GUCY1A2: variants seen among roughly 807,000 people sequenced by gnomAD.
GUCY1A2 encodes guanylate cyclase soluble subunit alpha-2.
Under a neutral mutation model 63.5 loss-of-function variants are expected in GUCY1A2, and 27 were observed. The observed-to-expected ratio is 0.43, with a 90% CI of 0.31 to 0.59. GUCY1A2 has a LOEUF of 0.59. GUCY1A2 is among the 20% of genes least tolerant of loss of function. The pLI, the probability that GUCY1A2 is intolerant of heterozygous loss-of-function variation, is 0.11. For synonymous variants in GUCY1A2, 364 were observed against 343.5 expected (o/e 1.06, Z -0.66); for missense variants, 768 against 913.3 (o/e 0.84, Z 2.05).
At chr11:106,902,805 T>C (rs150707235) in intron 4 of GUCY1A2, among the ~76,000 whole-genome samples, 107 of 152,304 alleles carry the variant, frequency 7.0e-4, no homozygotes, top group African/African-American at 2.5e-3. Flanking sequence ...ATTTAGATTA[T>C]ATTAGATATT....
At chr11:106,864,483 CCTTGT>C (rs1202228795) in intron 4 of GUCY1A2, among the ~76,000 whole-genome samples, 1 of 152,018 alleles carries the variant, frequency 6.6e-6, no homozygotes, top group East Asian at 1.9e-4. Flanking sequence ...GAGAGGGCAT[CCTTGT>C]CTTGTGCCAG....
At chr11:106,754,827 G>GTGTC (rs1157586716) in intron 6 of GUCY1A2, among the ~76,000 whole-genome samples, 1 of 152,028 alleles carries the variant, frequency 6.6e-6, no homozygotes, top group African/African-American at 2.4e-5. Context: ...TTTTTTTGTT[G>GTGTC]TGTCTCTGCC....
chr11:106,930,220 C>A (rs1397916512), intron 4 of GUCY1A2, among the ~76,000 whole-genome samples: 2 of 152,164 alleles, frequency 1.3e-5, no homozygotes, highest in Non-Finnish European at 2.9e-5. Context: ...AAGAGAGGCC[C>A]ACTGACTATG....
At chr11:107,007,470 G>T (rs944180029) in intron 1 of GUCY1A2, among the ~76,000 whole-genome samples, 1 of 152,126 alleles carries the variant, frequency 6.6e-6, no homozygotes, top group Non-Finnish European at 1.5e-5. Context: ...CTCCACTCCA[G>T]CGGATTGTCC....
chr11:106,902,191 A>G (rs1860143523), intron 4 of GUCY1A2, among the ~76,000 whole-genome samples: 2 of 152,178 alleles, frequency 1.3e-5, no homozygotes, highest in African/African-American at 4.8e-5. Context: ...TACTTTGTCA[A>G]AGAGCACTAT....
chr11:106,822,261 C>A (rs1044745035), intron 4 of GUCY1A2, among the ~76,000 whole-genome samples: 1 of 152,124 alleles, frequency 6.6e-6, no homozygotes, highest in African/African-American at 2.4e-5. Context: ...ACCATACGAA[C>A]AATTTTTTTC....
chr11:106,937,062 G>A (rs1860688679), intron 4 of GUCY1A2, among the ~76,000 whole-genome samples: 1 of 152,068 alleles, frequency 6.6e-6, no homozygotes. Context: ...ATCTGGGTAA[G>A]ACTGTATGTG....
chr11:106,943,322 T>C (rs1860776002), intron 3 of GUCY1A2, among the ~76,000 whole-genome samples: 1 of 152,184 alleles, frequency 6.6e-6, no homozygotes, highest in African/African-American at 2.4e-5. Flanking sequence ...TCTCCTCACA[T>C]CACAAGATTC....
chr11:106,830,860 A>G (rs555732120), intron 4 of GUCY1A2, among the ~76,000 whole-genome samples: 1 of 152,332 alleles, frequency 6.6e-6, no homozygotes, highest in South Asian at 2.1e-4. Context: ...CCACATATAC[A>G]TGTACACAAC....
chr11:106,927,457 GA>G (rs1176503141), intron 4 of GUCY1A2, among the ~76,000 whole-genome samples: 2 of 151,992 alleles, frequency 1.3e-5, no homozygotes, highest in Non-Finnish European at 2.9e-5. Flanking sequence ...AAACTGGGGG[GA>G]TAAGAACACA....
At chr11:106,711,759 T>A (rs1022854840) in intron 6 of GUCY1A2, among the ~76,000 whole-genome samples, 16 of 152,162 alleles carry the variant, frequency 1.1e-4, no homozygotes, top group Non-Finnish European at 2.2e-4. Context: ...CTTTTTTATG[T>A]TTAAAAGTCT....
At chr11:106,773,976 A>C (rs1337932830) in intron 6 of GUCY1A2, among the ~76,000 whole-genome samples, 2 of 152,114 alleles carry the variant, frequency 1.3e-5, no homozygotes, top group Admixed American at 1.3e-4. Context: ...TAGTTTTATA[A>C]TATGAATTTT....
intron 1 of GUCY1A2, among the ~76,000 whole-genome samples, chr11:106,997,816 C>T (rs757112005): frequency 6.6e-6 from 1 of 152,048 alleles, no homozygotes; most frequent in Non-Finnish European, 1.5e-5. Context: ...TCCTGCCTAC[C>T]TCATATACTT....
intron 4 of GUCY1A2, among the ~76,000 whole-genome samples, chr11:106,847,007 A>G (rs1174360199): frequency 6.6e-6 from 1 of 151,384 alleles, no homozygotes; most frequent in Non-Finnish European, 1.5e-5. Context: ...TAAGAAAATA[A>G]AAGGTTCTGA....
intron 4 of GUCY1A2, among the ~76,000 whole-genome samples, chr11:106,917,941 A>T (rs1225396717): frequency 2.3e-5 from 3 of 130,308 alleles, no homozygotes; most frequent in Non-Finnish European, 3.4e-5. Flanking sequence ...CTTAAAGTAT[A>T]AAAAAAAAAA....
intron 4 of GUCY1A2, among the ~76,000 whole-genome samples, chr11:106,846,754 T>C (rs907293536): frequency 3.3e-5 from 5 of 151,598 alleles, no homozygotes; most frequent in Non-Finnish European, 5.9e-5. Context: ...TTCCTCTTAT[T>C]TTCCTAAACT....
chr11:106,843,278 CA>C (rs1240413331), intron 4 of GUCY1A2, among the ~76,000 whole-genome samples: 2 of 151,778 alleles, frequency 1.3e-5, no homozygotes, highest in African/African-American at 4.8e-5. Context: ...TTTGGGGACT[CA>C]GGGGAAAGGA....
At chr11:106,910,925 C>T (rs981121686) in intron 4 of GUCY1A2, among the ~76,000 whole-genome samples, 2 of 151,988 alleles carry the variant, frequency 1.3e-5, no homozygotes, top group Non-Finnish European at 2.9e-5. Context: ...AAAACCAGTC[C>T]GCTGAATGTA....
intron 1 of GUCY1A2, among the ~76,000 whole-genome samples, chr11:107,007,133 G>C (rs1861681784): frequency 6.6e-6 from 1 of 152,066 alleles, no homozygotes; most frequent in Non-Finnish European, 1.5e-5. Context: ...AAAAAAAAAT[G>C]CATGAATGAT....
Sources: allele counts gnomAD v4.1 joint callset (sites outside exome capture counted in the v4.1 genomes callset), GRCh38; gene constraint gnomAD v4.1.1; transcripts MANE v1.5; gene names NCBI Gene and HGNC (gene_info 2026-07-23, HGNC 2026-07-21).